Variants in BCAS4 observed in about 807,000 individuals in gnomAD.
BCAS4 encodes breast carcinoma-amplified sequence 4.
Under a neutral mutation model 15.7 loss-of-function variants are expected in BCAS4, and 9 were observed. The observed-to-expected ratio is 0.57, with a 90% CI of 0.34 to 1.00. The LOEUF is 1.00. Among genes scored for constraint, BCAS4 ranks in the 50% least tolerant of loss-of-function variants. BCAS4 has a pLI of 0.02. For missense variants in BCAS4, 225 were observed against 239.1 expected, an observed-to-expected ratio of 0.94 and a Z score of 0.39; for synonymous variants, 101 against 99.5, an observed-to-expected ratio of 1.02 and a Z score of -0.09.
At chr20:50,874,384 G>T (rs567904978) in intron 4 of BCAS4, among the ~76,000 whole-genome samples, 8 of 151,956 alleles carry the variant, frequency 5.3e-5, no homozygotes, top group African/African-American at 1.9e-4. Flanking sequence ...TGCTGCTGAG[G>T]CTGTGAAGGT....
rs72626575 is a variant in BCAS4 at position 50,851,510 on chromosome 20, A to G, written c.399+9610A>G. Among the ~76,000 whole-genome samples the G allele has an allele frequency of 0.073, 11,039 of 152,102 alleles. 670 individuals carry two copies. The highest frequency in any genetic ancestry group is 0.25 in the East Asian group (1,287 of 5,120). The stretch of plus-strand genomic sequence containing the variant: ...TTCTTGCTGAGATTTTGAGGATGAG[A>G]GGGGAGAAAGTTCCTTCCGACAACA... On this transcript the variant is annotated intron_variant, in intron 4 of 4. Transcript: ENST00000371608. The surrounding 1 kb of genome is among the most constrained non-coding windows in gnomAD (Gnocchi z 4.3).
chr20:50,849,377 A>T (rs1403925406), intron 4 of BCAS4, among the ~76,000 whole-genome samples: 1 of 152,058 alleles, frequency 6.6e-6, no homozygotes, highest in Non-Finnish European at 1.5e-5. Context: ...CCACCTGTTC[A>T]CCCCTACCCC....
chr20:50,860,613 C>A (rs529608754), intron 4 of BCAS4, among the ~76,000 whole-genome samples: 1 of 152,198 alleles, frequency 6.6e-6, no homozygotes. Flanking sequence ...TGGTGGCTCA[C>A]GCCTATAATC....
At chr20:50,869,541 A>G (rs1484793103) in intron 4 of BCAS4, among the ~76,000 whole-genome samples, 2 of 152,230 alleles carry the variant, frequency 1.3e-5, no homozygotes, top group South Asian at 4.1e-4. Context: ...AGAACAGCCA[A>G]CCACATAAAA....
Position 50,872,085 on chromosome 20 carries a change from C to A in BCAS4, c.400-4401C>A, listed in dbSNP as rs577030323. Among the ~76,000 whole-genome samples the A allele has an allele frequency of 1.3e-4, 20 of 151,580 alleles. No individual in the cohort carries two copies. The South Asian group carries it at 4.0e-3, about 30-fold the overall frequency. On this transcript the variant is annotated intron_variant, in intron 4 of 4. Transcript: ENST00000371608. ...GACCAGCCTGGCCAACACGGTGAAA[C>A]CCTATCTCTACAAAAATACAAAAAA... is the stretch of plus-strand genomic sequence containing the variant.
At chr20:50,827,007 A>AAAAC (rs552470103) in intron 2 of BCAS4, among the ~76,000 whole-genome samples, 8 of 151,794 alleles carry the variant, frequency 5.3e-5, no homozygotes, top group African/African-American at 7.3e-5. Context: ...CCCCCCACCA[A>AAAAC]AAACAAACAA....
chr20:50,838,959 T>A (rs1029503428), intron 3 of BCAS4, among the ~76,000 whole-genome samples: 9 of 151,382 alleles, frequency 5.9e-5, no homozygotes, highest in Non-Finnish European at 7.4e-5. Flanking sequence ...CCCTGTGGGG[T>A]GAGGCTGGGC....
chr20:50,878,529 C>T (rs991512147), downstream of BCAS4: 11 of 151,830 alleles, frequency 7.2e-5, no homozygotes, highest in African/African-American at 2.4e-4. Context: ...AGACACCTGT[C>T]ACCCAGCCTG....
At chr20:50,812,450 A>T (rs6020760) in intron 1 of BCAS4, among the ~76,000 whole-genome samples, 50,348 of 120,592 alleles carry the variant, frequency 0.42, 10,663 homozygotes, top group African/African-American at 0.67. Context: ...TTTTTTTTTT[A>T]AATTGAGATA....
downstream of BCAS4, chr20:50,877,727 C>A (rs1275230268): frequency 2.0e-5 from 3 of 152,212 alleles, no homozygotes; most frequent in Admixed American, 2.0e-4. Flanking sequence ...GTCCCCCACA[C>A]CCCAAAAAAG....
chr20:50,796,754 A>G (rs990430299), intron 1 of BCAS4, among the ~76,000 whole-genome samples: 4 of 151,520 alleles, frequency 2.6e-5, no homozygotes, highest in African/African-American at 9.7e-5. Context: ...TCGGCCTCCC[A>G]AAGTGTTGGG....
intron 1 of BCAS4, among the ~76,000 whole-genome samples, chr20:50,812,381 C>A (rs575999904): frequency 4.0e-5 from 6 of 151,302 alleles, no homozygotes; most frequent in African/African-American, 7.3e-5. Context: ...GATCCGCCCC[C>A]CCTTGGCCTC....
At chr20:50,797,408 A>G (rs2087878439) in intron 1 of BCAS4, among the ~76,000 whole-genome samples, 1 of 152,052 alleles carries the variant, frequency 6.6e-6, no homozygotes, top group Admixed American at 6.6e-5. Context: ...AAAAAATAGC[A>G]TGGAGGCAGG....
chr20:50,824,979 C>T (rs1365065098), intron 2 of BCAS4, among the ~76,000 whole-genome samples: 1 of 152,156 alleles, frequency 6.6e-6, no homozygotes, highest in Non-Finnish European at 1.5e-5. Flanking sequence ...CTGTAGACCT[C>T]TGGTGTTAGG....
Position 50,852,199 on chromosome 20 carries a change from A to G in BCAS4, c.399+10299A>G, listed in dbSNP as rs13045033. 8.3e-3 allele frequency among the ~76,000 whole-genome samples: 1,267 copies of G among 152,292 alleles called. 4 individuals are homozygous for G. Among genetic ancestry groups the G allele is most frequent in the Non-Finnish European group, 0.015 (992 of 68,024 alleles). On this transcript the variant is annotated intron_variant, in intron 4 of 4. Coordinates refer to ENST00000371608, the MANE Select transcript of BCAS4 (RefSeq NM_198799.4). ...GGCCCATTTGATTCCAGAGTCCCACATTCTTCACACCCCAGGAACTGAAAT... is the reference window on the plus strand; with the variant it reads ...GGCCCATTTGATTCCAGAGTCCCACGTTCTTCACACCCCAGGAACTGAAAT...
chr20:50,862,111 G>A (rs977521068), intron 4 of BCAS4, among the ~76,000 whole-genome samples: 1 of 151,546 alleles, frequency 6.6e-6, no homozygotes, highest in Admixed American at 6.6e-5. Context: ...CTATCCTCCC[G>A]CCTTGGCCTC....
downstream of BCAS4, chr20:50,879,334 T>G (rs954040058): frequency 6.6e-6 from 1 of 152,112 alleles, no homozygotes; most frequent in Non-Finnish European, 1.5e-5. Context: ...CTGGCCAACA[T>G]AGTGAAACCT....
chr20:50,838,525 C>CA (rs1202692913), intron 3 of BCAS4, among the ~76,000 whole-genome samples: 3 of 152,096 alleles, frequency 2.0e-5, no homozygotes, highest in African/African-American at 7.2e-5. Flanking sequence ...GCCTGGCCAA[C>CA]ATGGTGAAAC....
At chr20:50,825,897 A>G (rs1410226036) in intron 2 of BCAS4, among the ~76,000 whole-genome samples, 1 of 152,070 alleles carries the variant, frequency 6.6e-6, no homozygotes, top group African/African-American at 2.4e-5. Flanking sequence ...AACAAAAACA[A>G]AACTAAATAA....
Sources: allele counts gnomAD v4.1 joint callset (sites outside exome capture counted in the v4.1 genomes callset), GRCh38; gene constraint gnomAD v4.1.1; non-coding constraint Gnocchi (gnomAD v3.1); transcripts MANE v1.5; gene names NCBI Gene and HGNC (gene_info 2026-07-23, HGNC 2026-07-21).